Variants in MACROD2 observed in about 807,000 individuals in gnomAD.
The protein encoded by MACROD2 is ADP-ribose glycohydrolase MACROD2.
Under a neutral mutation model 70.4 loss-of-function variants are expected in MACROD2, and 36 were observed. The ratio of observed to expected loss-of-function variants is 0.51; its 90% CI spans 0.39 to 0.68. The LOEUF (loss-of-function observed/expected upper bound fraction) is 0.68, where lower values mean the gene tolerates loss of function less well. Ranked by LOEUF, MACROD2 falls within the 30% of genes least tolerant of loss-of-function variation. The probability of loss-of-function intolerance (pLI) is 0.00; values close to 1 mark genes in which losing one functional copy is unlikely to be tolerated. For missense variants in MACROD2, 496 were observed against 538.4 expected (o/e 0.92, Z 0.78); for synonymous variants, 172 against 178.8 (o/e 0.96, Z 0.30).
rs1336206260 is a variant in MACROD2, at chr20:14,520,974, C to CGCAT, written c.301+27469_301+27470insTGCA. Among the ~76,000 whole-genome samples the CGCAT allele has an allele frequency of 4.6e-5, 7 of 151,734 alleles. No individual in the cohort carries two copies. In the South Asian group the frequency reaches 8.4e-4, roughly 18 times the overall value. On this transcript the variant is annotated intron_variant, in intron 4 of 17. Coordinates refer to ENST00000684519, the MANE Select transcript of MACROD2 (RefSeq NM_001351661.2). Reference sequence around the variant, plus strand: ...GCGTGCGCGCACACACACACACACACGCACACACACACCCCCCAAATAGGT... The same window carrying CGCAT: ...GCGTGCGCGCACACACACACACACACGCATGCACACACACACCCCCCAAATAGGT...
intron 8 of MACROD2, among the ~76,000 whole-genome samples, chr20:15,834,729 T>A (rs969464233): frequency 6.6e-6 from 1 of 152,206 alleles, no homozygotes; most frequent in African/African-American, 2.4e-5. Context: ...TTCATAGATT[T>A]TTTTGCTTAA....
chr20:14,869,988 A>C (rs1234059615), intron 5 of MACROD2, among the ~76,000 whole-genome samples: 1 of 152,084 alleles, frequency 6.6e-6, no homozygotes, highest in Non-Finnish European at 1.5e-5. Context: ...GTACATGTGC[A>C]AGTTTGTCAT....
intron 14 of MACROD2, 53 bp from the exon 15 acceptor site, chr20:15,987,013 C>G (rs2066494135): frequency 6.9e-7 from 1 of 1,455,332 alleles, no homozygotes; most frequent in South Asian, 1.2e-5. Flanking sequence ...AGTATTCTCT[C>G]AATGATTCCA....
chr20:14,896,822 G>A (rs1023414182), intron 5 of MACROD2, among the ~76,000 whole-genome samples: 1 of 151,632 alleles, frequency 6.6e-6, no homozygotes, highest in African/African-American at 2.4e-5. Context: ...CCATACTCTA[G>A]TCCAGTATAA....
chr20:15,441,578 G>T (rs1215216440), intron 7 of MACROD2, among the ~76,000 whole-genome samples: 1 of 152,092 alleles, frequency 6.6e-6, no homozygotes. Context: ...GAAGAAACTT[G>T]TATGTGGGCC....
chr20:14,384,340 A>G (rs2083450544), intron 3 of MACROD2, among the ~76,000 whole-genome samples: 1 of 152,168 alleles, frequency 6.6e-6, no homozygotes, highest in Non-Finnish European at 1.5e-5. Flanking sequence ...ATTGGGAAAA[A>G]AAGTTTTTAA....
intron 4 of MACROD2, among the ~76,000 whole-genome samples, chr20:14,525,941 C>T (rs775358334): frequency 2.6e-5 from 4 of 152,158 alleles, no homozygotes; most frequent in Non-Finnish European, 4.4e-5. Flanking sequence ...TTTTTCTAAT[C>T]ATGCTTCCTG....
At chr20:15,941,336 C>A (rs529181126) in intron 12 of MACROD2, among the ~76,000 whole-genome samples, 1 of 152,224 alleles carries the variant, frequency 6.6e-6, no homozygotes, top group South Asian at 2.1e-4. Context: ...CAATTAAAAA[C>A]AGAATGCCTA....
intron 6 of MACROD2, among the ~76,000 whole-genome samples, chr20:15,282,673 C>A (rs1448314117): frequency 6.6e-6 from 1 of 152,160 alleles, no homozygotes; most frequent in Non-Finnish European, 1.5e-5. Flanking sequence ...TCACTATCAA[C>A]TTTTTGGTCA....
At chr20:16,031,564 A>G (rs2067151949) in intron 15 of MACROD2, among the ~76,000 whole-genome samples, 1 of 152,190 alleles carries the variant, frequency 6.6e-6, no homozygotes, top group Admixed American at 6.5e-5. Context: ...CAGTGTAGAA[A>G]CACATCAGAA....
chr20:14,051,032 C>T (rs545355803), intron 2 of MACROD2, among the ~76,000 whole-genome samples: 1 of 152,170 alleles, frequency 6.6e-6, no homozygotes, highest in East Asian at 1.9e-4. Flanking sequence ...TTGAAATATA[C>T]TTGTGAAAAG....
intron 5 of MACROD2, among the ~76,000 whole-genome samples, chr20:15,077,352 G>C (rs988568300): frequency 1.3e-5 from 2 of 151,994 alleles, no homozygotes; most frequent in African/African-American, 4.8e-5. Flanking sequence ...GACATTAGGC[G>C]ACAAAAATCA....
Position 15,237,968 on chromosome 20 carries a change from TGAG to T in MACROD2, c.540+7908_540+7910del. 1.3e-5 allele frequency among the ~76,000 whole-genome samples: 2 copies of T among 152,314 alleles called. 1 individual carries two copies. Among genetic ancestry groups the T allele is most frequent in the South Asian group, 4.1e-4 (2 of 4,822 alleles). Reference sequence around the variant, plus strand: ...TGTGGATGGGCATGTGCTAGAATGATGAGAACTGGGCAGATATGGGTGGGGCAC... The same window carrying T: ...TGTGGATGGGCATGTGCTAGAATGATAACTGGGCAGATATGGGTGGGGCAC... On this transcript the variant is annotated intron_variant, in intron 6 of 17. Transcript: ENST00000684519.
chr20:14,471,296 T>C (rs773006086), intron 3 of MACROD2, among the ~76,000 whole-genome samples: 157 of 152,156 alleles, frequency 1.0e-3, no homozygotes, highest in Non-Finnish European at 2.1e-3. Flanking sequence ...GGTACCTCAG[T>C]TGGAAATGCT....
chr20:14,199,265 T>C (rs1156432453), intron 3 of MACROD2, among the ~76,000 whole-genome samples: 1 of 152,230 alleles, frequency 6.6e-6, no homozygotes, highest in East Asian at 1.9e-4. Flanking sequence ...TGTACGTCGG[T>C]GAGTGACAAG....
intron 5 of MACROD2, among the ~76,000 whole-genome samples, chr20:14,855,639 G>A (rs912507991): frequency 2.8e-5 from 3 of 106,116 alleles, no homozygotes; most frequent in Non-Finnish European, 5.3e-5. Context: ...ATAAGGCACA[G>A]CTCAATTCTT....
At chr20:15,139,013 C>G (rs1444147915) in intron 5 of MACROD2, among the ~76,000 whole-genome samples, 1 of 152,114 alleles carries the variant, frequency 6.6e-6, no homozygotes, top group Non-Finnish European at 1.5e-5. Context: ...CGTAAAAGCA[C>G]CCCTAAAGCT....
intron 3 of MACROD2, among the ~76,000 whole-genome samples, chr20:14,285,379 C>T (rs186245941): frequency 6.6e-6 from 1 of 152,272 alleles, no homozygotes; most frequent in Non-Finnish European, 1.5e-5. Flanking sequence ...ATCGAATTTT[C>T]CACTTGTGAT....
rs144848454 is a variant in MACROD2, at chr20:15,755,017, G to A, written c.646-107728G>A. Among the ~76,000 whole-genome samples the A allele has an allele frequency of 7.6e-3, 1,161 of 152,080 alleles. 19 individuals carry two copies. Among genetic ancestry groups the A allele is most frequent in the African/African-American group, 0.026 (1,086 of 41,496 alleles). ...GGGATTACAGGTGTGTACCACCACA[G>A]CCAGCTAATTTTTGTATTTTTCATA... On this transcript the variant is annotated intron_variant, in intron 8 of 17. Coordinates refer to ENST00000684519, the MANE Select transcript of MACROD2 (RefSeq NM_001351661.2).
Sources: allele counts gnomAD v4.1 joint callset (sites outside exome capture counted in the v4.1 genomes callset), GRCh38; gene constraint gnomAD v4.1.1; transcripts MANE v1.5; gene names NCBI Gene and HGNC (gene_info 2026-07-23, HGNC 2026-07-21).